Variants in NSG1 observed in about 807,000 individuals in gnomAD.
The protein encoded by NSG1 is neuronal vesicle trafficking associated 1, also known as neuronal vesicle trafficking-associated protein 1.
A neutral mutation model predicts 19.3 loss-of-function variants in NSG1; 9 were observed. That is an observed-to-expected ratio of 0.47 (90% CI 0.28 to 0.81). The LOEUF (loss-of-function observed/expected upper bound fraction) is 0.81, where lower values mean the gene tolerates loss of function less well. NSG1 is among the 40% of genes least tolerant of loss of function. The pLI is 0.11. For synonymous variants in NSG1, 104 were observed against 107.0 expected (o/e 0.97, Z 0.17); for missense variants, 236 against 242.4 (o/e 0.97, Z 0.18).
In NSG1 at chr4:4,408,445, C is replaced by T. The variant is rs530903932; in HGVS notation, c.247-1128C>T. ...CTGGGCAGGCGGAGGGCCATCTGCA[C>T]GCTGTTTTAGCTTTTTATTGATTGA... is the stretch of plus-strand genomic sequence containing the variant. On this transcript the variant is annotated intron_variant, in intron 3 of 4. Transcript: ENST00000621129. 1.5e-4 allele frequency among the ~76,000 whole-genome samples: 23 copies of T among 152,266 alleles called. No homozygotes were observed. In the East Asian group the frequency reaches 2.1e-3, roughly 14 times the overall value.
chr4:4,413,226 T>C (rs756773555), intron 4 of NSG1, among the ~76,000 whole-genome samples: 2 of 151,812 alleles, frequency 1.3e-5, no homozygotes, highest in Non-Finnish European at 2.9e-5. Flanking sequence ...GTGAAGGCTA[T>C]AGACAGACAG....
intron 3 of NSG1, among the ~76,000 whole-genome samples, chr4:4,400,897 C>A (rs988668527): frequency 2.6e-5 from 4 of 152,190 alleles, no homozygotes; most frequent in Non-Finnish European, 5.9e-5. Flanking sequence ...ACCAGTATTT[C>A]AATATAATCA....
intron 4 of NSG1, among the ~76,000 whole-genome samples, chr4:4,416,880 T>G (rs1724574533): frequency 6.6e-6 from 1 of 152,228 alleles, no homozygotes; most frequent in African/African-American, 2.4e-5. Flanking sequence ...CGTCCTCATT[T>G]GAATTGGTTG....
chr4:4,398,071 C>T (rs1186708201), intron 3 of NSG1, among the ~76,000 whole-genome samples: 1 of 152,318 alleles, frequency 6.6e-6, no homozygotes, highest in East Asian at 1.9e-4. Context: ...TCTCCTGCCT[C>T]AGCCTCCTAA....
chr4:4,410,866 T>G lies in NSG1; in HGVS notation c.357+1183T>G, dbSNP rs78290573. Reference sequence around the variant, plus strand: ...GTAACCTTTTTACTTCATAAACTTTTTGTGTGTGTGTGATGGAGTCTCACT... The same window carrying G: ...GTAACCTTTTTACTTCATAAACTTTGTGTGTGTGTGTGATGGAGTCTCACT... On this transcript the variant is annotated intron_variant, in intron 4 of 4. Transcript: ENST00000621129. 7.9e-4 allele frequency among the ~76,000 whole-genome samples: 121 copies of G among 152,246 alleles called. 1 individual carries two copies. The East Asian group carries it at 0.022, about 28-fold the overall frequency.
intron 3 of NSG1, 78 bp from the exon 4 acceptor site, chr4:4,409,495 G>T (rs1028329137): frequency 2.2e-5 from 22 of 1,016,260 alleles, no homozygotes; most frequent in Non-Finnish European, 3.0e-5. Flanking sequence ...GTGTGGGGGG[G>T]GGCCTTCGTG....
intron 3 of NSG1, among the ~76,000 whole-genome samples, chr4:4,408,299 G>A: frequency 6.6e-6 from 1 of 152,170 alleles, no homozygotes; most frequent in East Asian, 1.9e-4. Flanking sequence ...CAGGCTGCTG[G>A]GAGGGGCGGT....
intron 4 of NSG1, among the ~76,000 whole-genome samples, chr4:4,416,499 C>T (rs1033131751): frequency 6.6e-6 from 1 of 152,312 alleles, no homozygotes; most frequent in East Asian, 1.9e-4. Flanking sequence ...GTGAGCCACT[C>T]ACCTCAAGGA....
At chr4:4,408,539 C>T (rs1463751158) in intron 3 of NSG1, among the ~76,000 whole-genome samples, 1 of 152,220 alleles carries the variant, frequency 6.6e-6, no homozygotes, top group East Asian at 1.9e-4. Flanking sequence ...CAGCTCACTG[C>T]AGCCTCTGCC....
chr4:4,415,824 C>G, intron 4 of NSG1: 1 of 395,780 alleles, frequency 2.5e-6, no homozygotes, highest in Non-Finnish European at 4.6e-6. Context: ...TGAGGGATGA[C>G]GAGCAGCAGA....
intron 1 of NSG1, 43 bp from the exon 2 acceptor site, chr4:4,387,561 C>CGGGGGGT: frequency 8.8e-7 from 1 of 1,141,990 alleles, no homozygotes; most frequent in Non-Finnish European, 1.2e-6. Context: ...CGCCCCGCCC[C>CGGGGGGT]GGGTCTTGCT....
chr4:4,387,587 C>A lies in NSG1; in HGVS notation c.-26-17C>A. 4 of 1,587,816 alleles carry A rather than the reference C, an allele frequency of 2.5e-6. No individual in the cohort carries two copies. Among genetic ancestry groups the A allele is most frequent in the South Asian group, 1.1e-5 (1 of 87,648 alleles). On this transcript the variant is annotated splice_polypyrimidine_tract_variant and intron_variant, in intron 1 of 4. Coordinates refer to ENST00000621129, the MANE Select transcript of NSG1 (RefSeq NM_014392.5). ...GGGTCTTGCTTGTGGTGACTCCCCC[C>A]GGCCCTCCCGCCGCAGGCTGCAGCC...
intron 2 of NSG1, among the ~76,000 whole-genome samples, chr4:4,388,601 G>A (rs1365851964): frequency 6.6e-6 from 1 of 152,164 alleles, no homozygotes. Flanking sequence ...TCTTGCTGCC[G>A]CTTACGAACC....
rs1194898750 is a variant in NSG1, at chr4:4,402,588, G to A, written c.247-6985G>A. Among the ~76,000 whole-genome samples the A allele has an allele frequency of 3.3e-5, 5 of 151,158 alleles. No homozygotes were observed. In the South Asian group the frequency reaches 6.3e-4, roughly 19 times the overall value. Reference sequence around the variant, plus strand: ...TTTTTAGTAGAGACGGGGTTTCACCGTTTTTTAGCCAGGATGGTCTCGATC... The same window carrying A: ...TTTTTAGTAGAGACGGGGTTTCACCATTTTTTAGCCAGGATGGTCTCGATC... On this transcript the variant is annotated intron_variant, in intron 3 of 4. Transcript: ENST00000621129.
At chr4:4,391,380 A>G (rs768841341) in intron 2 of NSG1, 95 bp from the exon 3 acceptor site, 3 of 733,060 alleles carry the variant, frequency 4.1e-6, no homozygotes, top group Non-Finnish European at 6.9e-6. Context: ...TTCCTGGCAA[A>G]TGGTGACTTT....
intron 4 of NSG1, chr4:4,416,247 G>A: frequency 1.1e-5 from 8 of 701,136 alleles, no homozygotes; most frequent in South Asian, 5.9e-5. Context: ...CTCCTGTAGC[G>A]CCGCCCTCCT....
At chr4:4,398,204 C>T (rs955118137) in intron 3 of NSG1, among the ~76,000 whole-genome samples, 4 of 152,318 alleles carry the variant, frequency 2.6e-5, no homozygotes, top group East Asian at 1.9e-4. Flanking sequence ...CCACCTGCCT[C>T]GGCCTCCCAA....
At chr4:4,390,862 G>C (rs965726748) in intron 2 of NSG1, among the ~76,000 whole-genome samples, 1 of 151,780 alleles carries the variant, frequency 6.6e-6, no homozygotes, top group Admixed American at 6.6e-5. Context: ...GACAAACATC[G>C]TTCTGCTTCA....
At chr4:4,406,188 C>T (rs934398886) in intron 3 of NSG1, among the ~76,000 whole-genome samples, 10 of 152,070 alleles carry the variant, frequency 6.6e-5, no homozygotes, top group African/African-American at 1.7e-4. Flanking sequence ...CCACCACGCC[C>T]GGCTAATTTT....
Sources: gnomAD v4.1 joint callset for allele counts (sites outside exome capture counted in the v4.1 genomes callset) on GRCh38, gnomAD v4.1.1 for gene constraint, MANE v1.5 for transcripts, NCBI Gene and HGNC (gene_info 2026-07-23, HGNC 2026-07-21) for gene names.